Variants in CCM2L observed in about 807,000 individuals in gnomAD.
The protein encoded by CCM2L is CCM2 like scaffold protein.
Under a neutral mutation model 54.1 loss-of-function variants are expected in CCM2L, and 36 were observed. The ratio of observed to expected loss-of-function variants is 0.67; its 90% CI spans 0.51 to 0.88. The LOEUF is 0.88. CCM2L is among the 40% of genes least tolerant of loss of function. The probability of loss-of-function intolerance (pLI) is 0.00; values close to 1 mark genes in which losing one functional copy is unlikely to be tolerated. For synonymous variants in CCM2L, 351 were observed against 359.3 expected, an observed-to-expected ratio of 0.98 and a Z score of 0.26; for missense variants, 700 against 812.1, an observed-to-expected ratio of 0.86 and a Z score of 1.68.
Position 32,032,056 on chromosome 20 carries a change from G to GT in CCM2L, c.*743dup, listed in dbSNP as rs907791672. 6.6e-6 allele frequency: 1 copy of GT among 152,224 alleles called. No homozygotes were observed. The highest frequency in any genetic ancestry group is 1.5e-5 in the Non-Finnish European group (1 of 68,090). The allele number at this position is 152,224 out of a possible 1,614,324, so 9.4% of individuals were successfully genotyped here. ...CTGTGTGCCTCCCGTTACCCCATCT[G>GT]TCCAGTGAGCTCAGCCCCCATCCAC... On this transcript the variant is annotated 3_prime_UTR_variant, in exon 10 of 10. Coordinates refer to ENST00000452892, the MANE Select transcript of CCM2L (RefSeq NM_001365692.1).
At chr20:32,012,426 G>T (rs1221338030) in intron 1 of CCM2L, among the ~76,000 whole-genome samples, 2 of 152,118 alleles carry the variant, frequency 1.3e-5, no homozygotes, top group African/African-American at 4.8e-5. Flanking sequence ...TGTGGTGGTG[G>T]TGCATGCCTG....
chr20:32,015,225 C>T (rs765204813), intron 2 of CCM2L, among the ~76,000 whole-genome samples, 154 bp downstream of exon 2: 2 of 152,206 alleles, frequency 1.3e-5, no homozygotes, highest in Admixed American at 1.3e-4. Flanking sequence ...CCCCCACCTT[C>T]AGCAAGTGAC....
At chr20:32,024,279 A>G (rs562885203) in intron 6 of CCM2L, among the ~76,000 whole-genome samples, 1 of 152,362 alleles carries the variant, frequency 6.6e-6, no homozygotes, top group South Asian at 2.1e-4. Flanking sequence ...AGACCCTCGC[A>G]TCTGTGGGAG....
Position 32,017,863 on chromosome 20 carries a change from C to A in CCM2L, c.262C>A (p.Gln88Lys), listed in dbSNP as rs760440516. The change falls in exon 3 of 10, where the codon CAG (glutamine) becomes AAG (lysine). Residue 88 changes from glutamine to lysine, a missense_variant. Gln to Lys is a moderately conservative substitution (Grantham distance 53, BLOSUM62 1). Transcript: ENST00000452892. ...CCCCTCCAGTCGGGACGAGCTCCTG[C>A]AGCTGCTAGACACCGCCAGGGTGAG... Reference protein sequence around the residue: ...LNPSSRDELLQLLDTARQLKE... With the variant: ...LNPSSRDELLKLLDTARQLKE... 74 of 1,613,944 alleles carry A rather than the reference C, an allele frequency of 4.6e-5. No homozygotes were observed. The East Asian group carries it at 1.6e-3, about 35-fold the overall frequency.
intron 8 of CCM2L, 55 bp downstream of exon 8, chr20:32,029,179 A>G: frequency 6.2e-7 from 1 of 1,612,756 alleles, no homozygotes; most frequent in Non-Finnish European, 8.5e-7. Flanking sequence ...AGGCTGGAGT[A>G]AACATTTTGG....
At position 32,031,309 on chromosome 20, in the gene CCM2L, C is replaced by T. The variant is rs1390394229; in HGVS notation, c.1711C>T (p.Leu571=). 7 of 1,271,596 alleles carry T rather than the reference C, an allele frequency of 5.5e-6. No individual in the cohort carries two copies. Among genetic ancestry groups the T allele is most frequent in the Non-Finnish European group, 7.1e-6 (7 of 979,710 alleles). The allele number at this position is 1,271,596 out of a possible 1,614,324, so 78.8% of individuals were successfully genotyped here. A position where few individuals can be genotyped will look rare whatever the true frequency, so the allele number is the denominator to read the frequency against. ...GGSDAAEDNY[L] ...GAGCGACGCCGCAGAAGACAACTAC[C>T]TGTAGCCACCGCCCCTGCGGACGGC... is the stretch of plus-strand genomic sequence containing the variant. The change falls in exon 10 of 10, where the codon CTG becomes TTG. Residue 571 remains leucine (L), a synonymous_variant. Coordinates refer to ENST00000452892, the MANE Select transcript of CCM2L (RefSeq NM_001365692.1).
intron 9 of CCM2L, among the ~76,000 whole-genome samples, chr20:32,030,287 A>G (rs1163019033): frequency 6.6e-6 from 1 of 152,172 alleles, no homozygotes; most frequent in Non-Finnish European, 1.5e-5. Context: ...TGAGAAGTAG[A>G]TACTATTAAT....
chr20:32,018,190 G>A, intron 4 of CCM2L, 28 bp downstream of exon 4: 1 of 416,578 alleles, frequency 2.4e-6, no homozygotes, highest in Non-Finnish European at 3.4e-6. Context: ...GGGGGCGGGG[G>A]AGGGGCGGGG....
At chr20:32,029,309 C>T in intron 8 of CCM2L, 185 bp downstream of exon 8, 1 of 744,084 alleles carries the variant, frequency 1.3e-6, no homozygotes, top group East Asian at 2.7e-5. Context: ...TGTCAGCTGG[C>T]ATTAATTGAG....
At chr20:32,011,073 G>T (rs149878086) in intron 1 of CCM2L, among the ~76,000 whole-genome samples, 1 of 152,060 alleles carries the variant, frequency 6.6e-6, no homozygotes. Flanking sequence ...TCAGGGAGGC[G>T]CTCTGATTTT....
intron 2 of CCM2L, among the ~76,000 whole-genome samples, chr20:32,015,420 G>C (rs1372754604): frequency 1.3e-5 from 2 of 152,228 alleles, no homozygotes; most frequent in African/African-American, 4.8e-5. Flanking sequence ...ATTGCAATGG[G>C]AATATGCGTG....
At position 32,022,652 on chromosome 20, in the gene CCM2L, T is replaced by C. The variant is rs750502750; in HGVS notation, c.934-8T>C. ...GACCTGAGCTCTCTCTCCTCCTCCC[T>C]GGGCCAGGACGCTGCAGAGGAGTCC... On this transcript the variant is annotated splice_region_variant and splice_polypyrimidine_tract_variant and intron_variant, in intron 5 of 9. Coordinates refer to ENST00000452892, the MANE Select transcript of CCM2L (RefSeq NM_001365692.1). 1.2e-6 allele frequency: 2 copies of C among 1,613,734 alleles called. No individual in the cohort carries two copies. The highest frequency in any genetic ancestry group is 3.3e-5 in the Admixed American group (2 of 59,968).
chr20:32,019,306 G>T lies in CCM2L; in HGVS notation c.830G>T (p.Gly277Val). 1 of 1,301,822 alleles carries T rather than the reference G, an allele frequency of 7.7e-7. No homozygotes were observed. Among genetic ancestry groups the T allele is most frequent in the Non-Finnish European group, 9.7e-7 (1 of 1,025,762 alleles). The allele number at this position is 1,301,822 out of a possible 1,614,324, so 80.6% of individuals were successfully genotyped here. A position where few individuals can be genotyped will look rare whatever the true frequency, so the allele number is the denominator to read the frequency against. ...CGGAGGCAGGCGGGCAGCGGCGGGG[G>T]AGGCAGCTGGGAGCGGCGCCACCCC... ...WERRQAGSGG[G>V]GSWERRHPGP... is the part of the protein sequence containing the mutation. The change falls in exon 5 of 10, where the codon GGA becomes GTA. Residue 277 changes from glycine to valine, a missense_variant. Coordinates refer to ENST00000452892, the MANE Select transcript of CCM2L (RefSeq NM_001365692.1).
Position 32,028,980 on chromosome 20 carries a change from T to G in CCM2L, c.1134-15T>G, listed in dbSNP as rs370880930. On this transcript the variant is annotated splice_polypyrimidine_tract_variant and intron_variant, in intron 7 of 9. Transcript: ENST00000452892. Reference sequence around the variant, plus strand: ...GGAGGGAGGCGAGTGAAGGCCCTTCTTCCCGTGCCTGCAGTAATGGCTCCC... The same window carrying G: ...GGAGGGAGGCGAGTGAAGGCCCTTCGTCCCGTGCCTGCAGTAATGGCTCCC... 1.5e-5 allele frequency: 24 copies of G among 1,613,810 alleles called. No homozygotes were observed. In the African/African-American group the frequency reaches 1.6e-4, roughly 11 times the overall value.
At chr20:32,029,459 C>T (rs1447823073) in intron 8 of CCM2L, among the ~76,000 whole-genome samples, 1 of 152,206 alleles carries the variant, frequency 6.6e-6, no homozygotes, top group Non-Finnish European at 1.5e-5. Context: ...AGGTTGTCAC[C>T]TACCCAAGAT....
intron 2 of CCM2L, among the ~76,000 whole-genome samples, chr20:32,015,881 GA>G (rs1321951585): frequency 1.4e-5 from 1 of 72,392 alleles, no homozygotes; most frequent in African/African-American, 9.9e-5. Flanking sequence ...TTTTGAGACA[GA>G]GTCTCATTCT....
rs749268099 is a variant in CCM2L, at chr20:32,019,232, AGGCGGCGGC to A, written c.770_778del (p.Gly257_Gly259del). ...GCGGCAGCTGGGAGCGGCGGCACGG[AGGCGGCGGC>A]GGCGGCGGCGGCGCGGGAAAGCCGG... On this transcript the variant is annotated inframe_deletion, in exon 5 of 10. Coordinates refer to ENST00000452892, the MANE Select transcript of CCM2L (RefSeq NM_001365692.1). 2.1e-5 allele frequency: 24 copies of A among 1,153,696 alleles called. No individual in the cohort carries two copies. The highest frequency in any genetic ancestry group is 4.4e-5 in the Admixed American group (1 of 22,600). The allele number at this position is 1,153,696 out of a possible 1,614,324, so 71.5% of individuals were successfully genotyped here. A position where few individuals can be genotyped will look rare whatever the true frequency, so the allele number is the denominator to read the frequency against.
chr20:32,013,617 T>C (rs1349889992), intron 1 of CCM2L, among the ~76,000 whole-genome samples: 2 of 152,044 alleles, frequency 1.3e-5, no homozygotes, highest in Non-Finnish European at 2.9e-5. Context: ...AATTTTTTTT[T>C]TTTGGCATAT....
chr20:32,029,944 C>T, intron 9 of CCM2L, 106 bp downstream of exon 9: 1 of 1,308,742 alleles, frequency 7.6e-7, no homozygotes, highest in Non-Finnish European at 1.0e-6. Context: ...CTTTCAGCCT[C>T]TGATGAAACC....
Sources: allele counts gnomAD v4.1 joint callset (sites outside exome capture counted in the v4.1 genomes callset), GRCh38; gene constraint gnomAD v4.1.1; transcripts MANE v1.5; gene names NCBI Gene and HGNC (gene_info 2026-07-23, HGNC 2026-07-21).